The following SPEN variants were observed in gnomAD, a reference collection of about 807,000 sequenced individuals.
SPEN encodes the protein msx2-interacting protein.
In SPEN, 18 loss-of-function variants were observed where a neutral mutation model predicts 269.9. The ratio of observed to expected loss-of-function variants is 0.07; its 90% CI spans 0.05 to 0.10. The LOEUF (loss-of-function observed/expected upper bound fraction) is 0.10, where lower values mean the gene tolerates loss of function less well. Ranked by LOEUF, SPEN falls within the 10% of genes least tolerant of loss-of-function variation. The pLI is 1.00. For synonymous variants in SPEN, 1,726 were observed against 1,765.7 expected, an observed-to-expected ratio of 0.98 and a Z score of 0.56; for missense variants, 3,822 against 4,631.2, an observed-to-expected ratio of 0.83 and a Z score of 5.07.
chr1:15,861,377 A>C (rs1419661932), intron 1 of SPEN, among the ~76,000 whole-genome samples: 2 of 151,620 alleles, frequency 1.3e-5, no homozygotes, highest in Non-Finnish European at 2.9e-5. Flanking sequence ...TGATCCACCT[A>C]CCTCGGCTTC....
Position 15,931,226 on chromosome 1 carries a change from G to A in SPEN, c.4986G>A (p.Thr1662=), listed in dbSNP as rs752000937. Residue 1662 remains threonine, a synonymous_variant, in exon 11 of 15, where the codon ACG becomes ACA. Transcript: ENST00000375759. This position sits in a 1 kb window ranked among gnomAD's most constrained non-coding sequence, Gnocchi z 4.8. ...SALEKTTGDK[T]VEAPLVTEEK... ...TAGAGAAGACCACTGGTGACAAAAC[G>A]GTAGAGGCGCCTTTGGTAACAGAAG... 1.1e-5 allele frequency: 17 copies of A among 1,614,050 alleles called. No homozygotes were observed. The highest frequency in any genetic ancestry group is 4.5e-5 in the East Asian group (2 of 44,898).
intron 1 of SPEN, among the ~76,000 whole-genome samples, chr1:15,863,869 A>G (rs987288449): frequency 2.0e-5 from 3 of 152,120 alleles, no homozygotes; most frequent in Non-Finnish European, 2.9e-5. Context: ...AAACTAATCT[A>G]TTATGTTTTC....
At chr1:15,863,391 A>G (rs2070466795) in intron 1 of SPEN, among the ~76,000 whole-genome samples, 2 of 152,258 alleles carry the variant, frequency 1.3e-5, no homozygotes, top group Middle Eastern at 3.4e-3. Context: ...CAGGAGTTGT[A>G]ATTATCAAGT....
At chr1:15,923,075 A>AAAAT (rs1019734932) in intron 10 of SPEN, among the ~76,000 whole-genome samples, 5 of 152,196 alleles carry the variant, frequency 3.3e-5, no homozygotes, top group African/African-American at 7.2e-5. Context: ...TTTAACTTAA[A>AAAAT]AAATAAATAA....
chr1:15,902,072 G>A (rs1322194460), intron 3 of SPEN, among the ~76,000 whole-genome samples: 1 of 151,666 alleles, frequency 6.6e-6, no homozygotes, highest in Non-Finnish European at 1.5e-5. Context: ...GGGACTACAG[G>A]CATGTGCCAC....
intron 1 of SPEN, among the ~76,000 whole-genome samples, chr1:15,859,878 T>TA (rs1412881191): frequency 6.7e-6 from 1 of 148,642 alleles, no homozygotes; most frequent in African/African-American, 2.5e-5. Context: ...AGGTATTTAA[T>TA]AAGTATAAAG....
intron 3 of SPEN, among the ~76,000 whole-genome samples, chr1:15,908,033 G>A (rs1293325498): frequency 6.6e-6 from 1 of 152,002 alleles, no homozygotes; most frequent in Non-Finnish European, 1.5e-5. Flanking sequence ...TTATCACAGT[G>A]AAGAAAGCCT....
intron 3 of SPEN, among the ~76,000 whole-genome samples, chr1:15,880,576 CTCCTGAG>C (rs1230303241): frequency 6.6e-5 from 10 of 151,506 alleles, no homozygotes; most frequent in African/African-American, 2.4e-4. Flanking sequence ...TTGACTCAGC[CTCCTGAG>C]GAGCTGGGAT....
Position 15,922,304 on chromosome 1 carries a change from C to A in SPEN, c.1805C>A (p.Ser602Tyr). 2 of 1,608,540 alleles carry A rather than the reference C, an allele frequency of 1.2e-6. No homozygotes were observed. The highest frequency in any genetic ancestry group is 2.2e-5 in the South Asian group (2 of 89,092). ...GCTTTTTATCACTGCATGGAGAAAT[C>A]TGGTCAAGACATCAGAGACTTTTAT... ...QLAFYHCMEK[S>Y]GQDIRDFYEM... Residue 602 changes from serine (S) to tyrosine (Y), a missense_variant, in exon 10 of 15, where the codon TCT becomes TAT. By Grantham distance (144) the Ser-to-Tyr change is moderately radical. Transcript: ENST00000375759.
chr1:15,861,320 CGG>C (rs1557734965), intron 1 of SPEN, among the ~76,000 whole-genome samples: 1 of 151,774 alleles, frequency 6.6e-6, no homozygotes, highest in Non-Finnish European at 1.5e-5. Flanking sequence ...TTAGTAGTAA[CGG>C]GGTTTCAGTA....
Position 15,928,700 on chromosome 1 carries a change from C to G in SPEN, c.2460C>G (p.Asp820Glu). 3 of 1,613,902 alleles carry G rather than the reference C, an allele frequency of 1.9e-6. No homozygotes were observed. The highest frequency in any genetic ancestry group is 2.5e-6 in the Non-Finnish European group (3 of 1,180,008). ...RKEKVEKDKT[D>E]KQKRKGKVHS... ...AAAAAGTGGAAAAGGACAAAACTGA[C>G]AAGCAGAAACGCAAAGGAAAGGTTC... Residue 820 changes from aspartate to glutamate, a missense_variant, in exon 11 of 15, where the codon GAC becomes GAG. By Grantham distance (45) the Asp-to-Glu change is conservative. Transcript: ENST00000375759. The surrounding 1 kb of genome is among the most constrained non-coding windows in gnomAD (Gnocchi z 5.7).
Position 15,847,916 on chromosome 1 carries a change from CG to C in SPEN, c.-145del. On this transcript the variant is annotated 5_prime_UTR_variant, in exon 1 of 15. The change abolishes the stop of an existing upstream ORF in the 5' untranslated region. Coordinates refer to ENST00000375759, the MANE Select transcript of SPEN (RefSeq NM_015001.3). ...CTGGGGGAGAGGGATGGTCTCTGCA[CG>C]GGGGGGAGCCGGAGGAGCCGCCGCC... The C allele has an allele frequency of 2.8e-5, 9 of 326,792 alleles. No homozygotes were observed. The highest frequency in any genetic ancestry group is 1.0e-4 in the East Asian group (2 of 19,134). 20.2% of individuals were successfully genotyped at this position (326,792 alleles called of 1,614,324 possible). A position where few individuals can be genotyped will look rare whatever the true frequency, so the allele number is the denominator to read the frequency against.
intron 1 of SPEN, among the ~76,000 whole-genome samples, chr1:15,871,918 A>C (rs557414131): frequency 5.6e-4 from 85 of 152,180 alleles, no homozygotes; most frequent in African/African-American, 1.9e-3. Flanking sequence ...TTAGACTATA[A>C]ATATTTGTAA....
chr1:15,859,461 C>T (rs2070420673), intron 1 of SPEN, among the ~76,000 whole-genome samples: 1 of 150,858 alleles, frequency 6.6e-6, no homozygotes, highest in African/African-American at 2.4e-5. Context: ...GGGTTCACAC[C>T]ATTCTCCTGC....
At chr1:15,881,610 T>C (rs2070688201) in intron 3 of SPEN, among the ~76,000 whole-genome samples, 1 of 152,200 alleles carries the variant, frequency 6.6e-6, no homozygotes, top group African/African-American at 2.4e-5. Flanking sequence ...TTAGTTAACA[T>C]GAAGGATAAA....
chr1:15,913,778 G>C (rs757316044), intron 5 of SPEN, among the ~76,000 whole-genome samples: 1 of 151,918 alleles, frequency 6.6e-6, no homozygotes, highest in Non-Finnish European at 1.5e-5. Flanking sequence ...GATTGCTTAA[G>C]CCCAGGAGTT....
rs542308068 is a variant in SPEN, at chr1:15,935,738, C to T, written c.9498C>T (p.Val3166=). The T allele has an allele frequency of 3.8e-5, 62 of 1,613,186 alleles. No homozygotes were observed. The highest frequency in any genetic ancestry group is 1.7e-4 in the Middle Eastern group (1 of 6,058). ...PEEEVHYHLP[V]ARATAPVQSE... is the part of the protein sequence containing the mutation. ...AGGAAGTGCATTATCACCTTCCTGT[C>T]GCTCGAGCCACAGCCCCTGTGCAGT... The change falls in exon 11 of 15, where the codon GTC becomes GTT. Residue 3166 remains valine (V), a synonymous_variant. Transcript: ENST00000375759. This position sits in a 1 kb window ranked among gnomAD's most constrained non-coding sequence, Gnocchi z 7.7.
At chr1:15,902,389 A>T (rs939882714) in intron 3 of SPEN, among the ~76,000 whole-genome samples, 1 of 152,228 alleles carries the variant, frequency 6.6e-6, no homozygotes, top group African/African-American at 2.4e-5. Context: ...CAGATCTCCT[A>T]AAAGGATTTT....
At chr1:15,896,113 A>G (rs990295693) in intron 3 of SPEN, among the ~76,000 whole-genome samples, 1 of 148,312 alleles carries the variant, frequency 6.7e-6, no homozygotes, top group African/African-American at 2.5e-5. Context: ...CCTCTCATTT[A>G]TGTAAACTAT....
Sources: allele counts gnomAD v4.1 joint callset (sites outside exome capture counted in the v4.1 genomes callset), GRCh38; gene constraint gnomAD v4.1.1; non-coding constraint Gnocchi (gnomAD v3.1); transcripts MANE v1.5; gene names NCBI Gene and HGNC (gene_info 2026-07-23, HGNC 2026-07-21).